DNAJA3: variants seen among roughly 807,000 people sequenced by gnomAD.
The protein encoded by DNAJA3 is DnaJ heat shock protein family (Hsp40) member A3.
DNAJA3 carries 29 observed loss-of-function variants against 54.9 expected under a neutral mutation model. The ratio of observed to expected loss-of-function variants is 0.53; its 90% confidence interval spans 0.39 to 0.72. The LOEUF is 0.72. Ranked by LOEUF, DNAJA3 falls within the 30% of genes least tolerant of loss-of-function variation. The probability of loss-of-function intolerance (pLI) is 0.00; values close to 1 mark genes in which losing one functional copy is unlikely to be tolerated. For missense variants in DNAJA3, 708 were observed against 639.4 expected (o/e 1.11, Z -1.16); for synonymous variants, 302 against 251.4 (o/e 1.20, Z -1.90).
intron 7 of DNAJA3, among the ~76,000 whole-genome samples, chr16:4,445,785 C>G (rs2056895023): frequency 6.6e-6 from 1 of 152,156 alleles, no homozygotes; most frequent in Non-Finnish European, 1.5e-5. Flanking sequence ...CCCCAGGGCT[C>G]AAATGATCCA....
intron 1 of DNAJA3, chr16:4,434,075 C>T: frequency 3.2e-6 from 1 of 315,480 alleles, no homozygotes; most frequent in Non-Finnish European, 5.9e-6. Context: ...TCCTTCTTAA[C>T]ATGGCAGCAG....
At chr16:4,429,221 C>T (rs1401102755) in intron 1 of DNAJA3, among the ~76,000 whole-genome samples, 1 of 147,892 alleles carries the variant, frequency 6.8e-6, no homozygotes, top group African/African-American at 2.5e-5. Context: ...GAGACGGAGT[C>T]TTGCTCTGTA....
chr16:4,446,915 C>T lies in DNAJA3; in HGVS notation c.1026C>T (p.Asp342=), dbSNP rs139593728. Reference sequence around the variant, plus strand: ...AGAAAAGCCCTGTGTTCCGGAGGGACGGCGCAGACATCCACTCCGACCTCT... The same window carrying T: ...AGAAAAGCCCTGTGTTCCGGAGGGATGGCGCAGACATCCACTCCGACCTCT... ...RVQKSPVFRR[D]GADIHSDLFI... Residue 342 remains aspartate (D), a synonymous_variant, in exon 8 of 12, where the codon GAC becomes GAT. Transcript: ENST00000262375. The T allele has an allele frequency of 5.0e-5, 80 of 1,614,112 alleles. 1 individual carries two copies. In the East Asian group the frequency reaches 1.4e-3, roughly 27 times the overall value.
chr16:4,452,320 C>A (rs2056988210), intron 10 of DNAJA3, among the ~76,000 whole-genome samples: 1 of 152,140 alleles, frequency 6.6e-6, no homozygotes, highest in Non-Finnish European at 1.5e-5. Flanking sequence ...GTTCCATAGA[C>A]AGCTGTCCTT....
At chr16:4,427,698 G>A (rs1309749793) in intron 1 of DNAJA3, among the ~76,000 whole-genome samples, 1 of 152,184 alleles carries the variant, frequency 6.6e-6, no homozygotes, top group Non-Finnish European at 1.5e-5. Context: ...TTTTAAGACA[G>A]GGCCTCCTGT....
At chr16:4,426,200 G>T in intron 1 of DNAJA3, 108 bp downstream of exon 1, 2 of 1,201,856 alleles carry the variant, frequency 1.7e-6, no homozygotes, top group South Asian at 1.9e-5. Context: ...GGTGTCTTCC[G>T]ACGCGGATGC....
chr16:4,428,882 A>ATTTTTTTTT (rs766170292), intron 1 of DNAJA3, among the ~76,000 whole-genome samples: 4 of 108,460 alleles, frequency 3.7e-5, no homozygotes, highest in East Asian at 2.6e-4. Flanking sequence ...CTACAAAAAG[A>ATTTTTTTTT]TTTTTTTTTT....
At position 4,434,417 on chromosome 16, in the gene DNAJA3, C is replaced by T. The variant is rs767031971; in HGVS notation, c.245C>T (p.Ser82Phe). The change falls in exon 2 of 12, where the codon TCC (serine) becomes TTC (phenylalanine). Residue 82 changes from serine to phenylalanine, a missense_variant. Coordinates refer to ENST00000262375, the MANE Select transcript of DNAJA3 (RefSeq NM_005147.6). ...TKHNPFICTASFHTSAPLAKE... is the reference protein window; with the variant it reads ...TKHNPFICTAFFHTSAPLAKE... ...CATAACCCTTTCATTTGTACTGCCT[C>T]CTTCCACACGAGTGCCCCTTTGGCC... 29 of 1,613,460 alleles carry T rather than the reference C, an allele frequency of 1.8e-5. No individual in the cohort carries two copies. In the African/African-American group the frequency reaches 3.3e-4, roughly 19 times the overall value.
intron 3 of DNAJA3, among the ~76,000 whole-genome samples, chr16:4,438,907 T>G (rs1297650055): frequency 6.6e-6 from 1 of 152,170 alleles, no homozygotes; most frequent in East Asian, 1.9e-4. Flanking sequence ...CTAGATCTAA[T>G]GAAAAGTTTA....
At chr16:4,441,306 T>C in intron 3 of DNAJA3, 69 bp from the exon 4 acceptor site, 1 of 1,421,588 alleles carries the variant, frequency 7.0e-7, no homozygotes, top group African/African-American at 1.4e-5. Context: ...TTATTTGCTG[T>C]GAACTCTTGT....
chr16:4,426,813 C>T (rs1413877250), intron 1 of DNAJA3: 5 of 152,180 alleles, frequency 3.3e-5, no homozygotes, highest in African/African-American at 1.2e-4. Context: ...AGATGTTAAA[C>T]CACTTATAAA....
At chr16:4,426,862 A>G (rs750838533) in intron 1 of DNAJA3, 1 of 152,058 alleles carries the variant, frequency 6.6e-6, no homozygotes, top group Non-Finnish European at 1.5e-5. Context: ...ATTGCCTGAG[A>G]TGACACTGAA....
intron 2 of DNAJA3, 105 bp from the exon 3 acceptor site, chr16:4,437,297 T>G: frequency 1.0e-6 from 1 of 956,082 alleles, no homozygotes. Flanking sequence ...AAAGGGAACA[T>G]AATTATGACT....
chr16:4,440,338 C>G (rs1056386292), intron 3 of DNAJA3: 3 of 152,012 alleles, frequency 2.0e-5, no homozygotes, highest in Non-Finnish European at 4.4e-5. Flanking sequence ...CGCTTGTAAT[C>G]CCAGCACTTT....
At chr16:4,428,309 G>A (rs1487829585) in intron 1 of DNAJA3, among the ~76,000 whole-genome samples, 1 of 152,120 alleles carries the variant, frequency 6.6e-6, no homozygotes, top group Admixed American at 6.6e-5. Flanking sequence ...GCAGTGATGT[G>A]ATCCTGGCTC....
At chr16:4,437,137 A>AT (rs2056781202) in intron 2 of DNAJA3, among the ~76,000 whole-genome samples, 1 of 151,822 alleles carries the variant, frequency 6.6e-6, no homozygotes, top group Non-Finnish European at 1.5e-5. Flanking sequence ...CGCCTGACTA[A>AT]TTTTTTCTAT....
Position 4,429,691 on chromosome 16 carries a change from A to G in DNAJA3, c.211+3599A>G, listed in dbSNP as rs565707411. On this transcript the variant is annotated intron_variant, in intron 1 of 11. Coordinates refer to ENST00000262375, the MANE Select transcript of DNAJA3 (RefSeq NM_005147.6). The stretch of plus-strand genomic sequence containing the variant: ...CTCTACAAAAAATACAAAATTAGCC[A>G]GGCCTGGTGGCGCATGCCTGTAAAC... Among the ~76,000 whole-genome samples, 14 of 152,242 alleles carry G rather than the reference A, an allele frequency of 9.2e-5. No homozygotes were observed. The East Asian group carries it at 1.9e-3, about 21-fold the overall frequency.
chr16:4,452,560 A>C (rs985796544), intron 10 of DNAJA3, among the ~76,000 whole-genome samples: 4 of 151,486 alleles, frequency 2.6e-5, no homozygotes, highest in African/African-American at 9.7e-5. Context: ...CTGTTCCCTC[A>C]CTCAGCCAGG....
At chr16:4,437,970 TA>T (rs1002119486) in intron 3 of DNAJA3, among the ~76,000 whole-genome samples, 9 of 142,612 alleles carry the variant, frequency 6.3e-5, no homozygotes, top group East Asian at 4.1e-4. Context: ...AATAAAAAAT[TA>T]AAAAAAAAAC....
Sources: gnomAD v4.1 joint callset for allele counts (sites outside exome capture counted in the v4.1 genomes callset) on GRCh38, gnomAD v4.1.1 for gene constraint, MANE v1.5 for transcripts, NCBI Gene and HGNC (gene_info 2026-07-23, HGNC 2026-07-21) for gene names.